Variants in RFC3 observed in about 807,000 individuals in gnomAD.
RFC3 encodes the protein A1 38 kDa subunit.
In RFC3, 41 loss-of-function variants were observed where a neutral mutation model predicts 45.1. That is an observed-to-expected ratio of 0.91 (90% CI 0.71 to 1.18). The LOEUF (loss-of-function observed/expected upper bound fraction) is 1.18. Ranked by LOEUF, RFC3 falls within the 50% of genes most tolerant of loss-of-function variation. The pLI, the probability that RFC3 is intolerant of heterozygous loss-of-function variation, is 0.00. For missense variants in RFC3, 423 were observed against 428.1 expected, an observed-to-expected ratio of 0.99 and a Z score of 0.10; for synonymous variants, 149 against 144.0, an observed-to-expected ratio of 1.03 and a Z score of -0.25.
chr13:33,890,711 C>T (rs953154729), intron 8 of RFC3, among the ~76,000 whole-genome samples: 1 of 152,118 alleles, frequency 6.6e-6, no homozygotes, highest in African/African-American at 2.4e-5. Context: ...GATAGGTAAT[C>T]TTATTGATGA....
chr13:33,951,277 G>A lies in RFC3; in HGVS notation c.880-14810G>A, dbSNP rs1350348205. Among the ~76,000 whole-genome samples, 3 of 149,372 alleles carry A rather than the reference G, an allele frequency of 2.0e-5. No individual in the cohort carries two copies. The East Asian group carries it at 5.9e-4, about 29-fold the overall frequency. ...AGACAGAGTCTCGCTCTGTTGCCCA[G>A]GCTGGAGTGCAGTGGCGCGATCTCG... On this transcript the variant is annotated intron_variant, in intron 8 of 8. Transcript: ENST00000434425.
intron 8 of RFC3, among the ~76,000 whole-genome samples, chr13:33,909,445 T>G (rs2082691199): frequency 6.6e-6 from 1 of 152,070 alleles, no homozygotes; most frequent in Non-Finnish European, 1.5e-5. Context: ...GCTTCTGCTC[T>G]TTATTCTGCT....
chr13:33,854,150 G>A (rs1184936349), intron 8 of RFC3, among the ~76,000 whole-genome samples: 2 of 152,176 alleles, frequency 1.3e-5, no homozygotes, highest in African/African-American at 4.8e-5. Flanking sequence ...CTCTCTTGGG[G>A]AGATTATCCA....
intron 8 of RFC3, among the ~76,000 whole-genome samples, chr13:33,920,635 A>T (rs2082763218): frequency 6.6e-6 from 1 of 151,794 alleles, no homozygotes; most frequent in Non-Finnish European, 1.5e-5. Context: ...GGATGTTGCT[A>T]TGTTGCCCAG....
At chr13:33,892,518 T>C (rs2137638454) in intron 8 of RFC3, among the ~76,000 whole-genome samples, 1 of 152,336 alleles carries the variant, frequency 6.6e-6, no homozygotes, top group South Asian at 2.1e-4. Flanking sequence ...TATTTTCTTT[T>C]TGATATCCCC....
intron 8 of RFC3, among the ~76,000 whole-genome samples, chr13:33,867,296 G>A (rs2082379666): frequency 6.6e-6 from 1 of 152,180 alleles, no homozygotes; most frequent in South Asian, 2.1e-4. Flanking sequence ...GCATGTCCAG[G>A]AATAATGAAT....
At chr13:33,901,800 G>A (rs777354712) in intron 8 of RFC3, among the ~76,000 whole-genome samples, 1 of 151,912 alleles carries the variant, frequency 6.6e-6, no homozygotes, top group Non-Finnish European at 1.5e-5. Flanking sequence ...CCCAAACTAT[G>A]TATTAATATA....
rs1337645010 is a variant in RFC3, at chr13:33,821,114, C to T, written c.88-18C>T. ...GTTCAGTTTGACTAGGGAAAAATGC[C>T]TTGTTCTTTTTTTTCAGGTGCAGTG... is the stretch of plus-strand genomic sequence containing the variant. On this transcript the variant is annotated intron_variant, in intron 1 of 8. Transcript: ENST00000380071. The T allele has an allele frequency of 1.9e-6, 3 of 1,612,542 alleles. No individual in the cohort carries two copies. The highest frequency in any genetic ancestry group is 1.7e-5 in the Admixed American group (1 of 59,884).
chr13:33,870,607 A>G (rs902292075), intron 8 of RFC3, among the ~76,000 whole-genome samples: 1 of 152,164 alleles, frequency 6.6e-6, no homozygotes, highest in African/African-American at 2.4e-5. Flanking sequence ...CAGGACTTTT[A>G]TTAAAATTAT....
At chr13:33,910,735 G>A (rs2082699046) in intron 8 of RFC3, among the ~76,000 whole-genome samples, 1 of 152,042 alleles carries the variant, frequency 6.6e-6, no homozygotes, top group Admixed American at 6.6e-5. Flanking sequence ...ATGTGAGACT[G>A]GGTAATTTAT....
intron 8 of RFC3, among the ~76,000 whole-genome samples, chr13:33,930,771 G>A (rs2082846950): frequency 6.6e-6 from 1 of 151,976 alleles, no homozygotes; most frequent in Admixed American, 6.6e-5. Flanking sequence ...TATATGTATC[G>A]ATGTAACGTA....
At chr13:33,832,806 TC>T (rs1365928657) in intron 7 of RFC3, among the ~76,000 whole-genome samples, 1 of 152,194 alleles carries the variant, frequency 6.6e-6, no homozygotes, top group Non-Finnish European at 1.5e-5. Flanking sequence ...TTGTTTTTGT[TC>T]TGATATTAAA....
chr13:33,868,552 T>C (rs1462131077), intron 8 of RFC3, among the ~76,000 whole-genome samples: 1 of 152,232 alleles, frequency 6.6e-6, no homozygotes, highest in Non-Finnish European at 1.5e-5. Flanking sequence ...CTTCAGCCTC[T>C]GATTGGTCAC....
intron 8 of RFC3, among the ~76,000 whole-genome samples, chr13:33,899,204 C>CAAAAAAAAAAAAAAAAA (rs59221382): frequency 1.2e-3 from 63 of 51,988 alleles, no homozygotes; most frequent in African/African-American, 1.7e-3. Context: ...CACAATAAGA[C>CAAAAAAAAAAAAAAAAA]AAAAAAAAAA....
At chr13:33,911,651 T>G (rs908643163) in intron 8 of RFC3, among the ~76,000 whole-genome samples, 3 of 152,022 alleles carry the variant, frequency 2.0e-5, no homozygotes, top group African/African-American at 7.2e-5. Flanking sequence ...AGCAGACACA[T>G]CTGAAGAGGG....
At chr13:33,937,963 C>T (rs958075731) in intron 8 of RFC3, among the ~76,000 whole-genome samples, 4 of 152,010 alleles carry the variant, frequency 2.6e-5, no homozygotes, top group Non-Finnish European at 5.9e-5. Context: ...GGTCACAAGA[C>T]AATGCCCCAT....
At chr13:33,881,777 C>T (rs1354458543) in intron 8 of RFC3, among the ~76,000 whole-genome samples, 1 of 152,138 alleles carries the variant, frequency 6.6e-6, no homozygotes, top group African/African-American at 2.4e-5. Flanking sequence ...ATGGTTTGTA[C>T]TTTCTTTCCT....
chr13:33,902,098 A>C (rs926879248), intron 8 of RFC3, among the ~76,000 whole-genome samples: 3 of 152,016 alleles, frequency 2.0e-5, no homozygotes, highest in African/African-American at 4.8e-5. Flanking sequence ...AGTTCAGGTT[A>C]AAAAAATGGT....
At chr13:33,882,064 T>C (rs979270555) in intron 8 of RFC3, among the ~76,000 whole-genome samples, 1 of 152,246 alleles carries the variant, frequency 6.6e-6, no homozygotes, top group Admixed American at 6.5e-5. Flanking sequence ...TGTTTTGTTT[T>C]CATTTTTTAT....
Sources: gnomAD v4.1 joint callset for allele counts (sites outside exome capture counted in the v4.1 genomes callset) on GRCh38, gnomAD v4.1.1 for gene constraint, MANE v1.5 for transcripts, NCBI Gene and HGNC (gene_info 2026-07-23, HGNC 2026-07-21) for gene names.